The following SWAP70 variants were observed in gnomAD, a reference collection of about 807,000 sequenced individuals.
The protein encoded by SWAP70 is switching B cell complex subunit SWAP70.
A neutral mutation model predicts 80.2 loss-of-function variants in SWAP70; 34 were observed. That is an observed-to-expected ratio of 0.42 (90% CI 0.32 to 0.56). The LOEUF (loss-of-function observed/expected upper bound fraction) is 0.56. Ranked by LOEUF, SWAP70 falls within the 20% of genes least tolerant of loss-of-function variation. The pLI is 0.09. For synonymous variants in SWAP70, 239 were observed against 238.5 expected (o/e 1.00, Z -0.02); for missense variants, 578 against 690.7 (o/e 0.84, Z 1.83).
intron 9 of SWAP70, among the ~76,000 whole-genome samples, chr11:9,742,615 A>G (rs1851455597): frequency 1.3e-5 from 2 of 152,170 alleles, no homozygotes; most frequent in Non-Finnish European, 2.9e-5. Flanking sequence ...GATTACAGGC[A>G]TGAGCCACCA....
At chr11:9,668,544 TAG>T (rs1850336381) in intron 1 of SWAP70, among the ~76,000 whole-genome samples, 1 of 152,168 alleles carries the variant, frequency 6.6e-6, no homozygotes, top group African/African-American at 2.4e-5. Flanking sequence ...TGGCTGGGAG[TAG>T]AGTTTTTGCC....
At position 9,664,281 on chromosome 11, in the gene SWAP70, G is replaced by T; in HGVS notation, c.99+3G>T. 1 of 1,566,958 alleles carries T rather than the reference G, an allele frequency of 6.4e-7. No homozygotes were observed. The highest frequency in any genetic ancestry group is 2.4e-5 in the East Asian group (1 of 41,742). On this transcript the variant is annotated splice_donor_region_variant and intron_variant, in intron 1 of 11. Transcript: ENST00000318950. Reference sequence around the variant, plus strand: ...AGGTCTCCAAGTCCCAGCTCAAGGTGGGCGCCTCCTGACCCGGCCCCCCAC... The same window carrying T: ...AGGTCTCCAAGTCCCAGCTCAAGGTTGGCGCCTCCTGACCCGGCCCCCCAC...
At chr11:9,690,825 A>G (rs1850689408) in intron 1 of SWAP70, among the ~76,000 whole-genome samples, 1 of 152,184 alleles carries the variant, frequency 6.6e-6, no homozygotes, top group Admixed American at 6.5e-5. Context: ...AAGATAGTAC[A>G]CAATTTTTTC....
Position 9,675,373 on chromosome 11 carries a change from GA to G in SWAP70, c.99+11096del, listed in dbSNP as rs1850481185. Among the ~76,000 whole-genome samples the G allele has an allele frequency of 3.8e-3, 213 of 56,586 alleles. 26 individuals carry two copies. Among genetic ancestry groups the G allele is most frequent in the Non-Finnish European group, 6.5e-3 (151 of 23,394 alleles). 37.1% of individuals were successfully genotyped at this position (56,586 alleles called of 152,430 possible). ...AGAGAGAGAGAGAGAGAGAGAGAGA[GA>G]GAGAGAGAGAGAGAGAGAGAGAGAG... On this transcript the variant is annotated intron_variant, in intron 1 of 11. Coordinates refer to ENST00000318950, the MANE Select transcript of SWAP70 (RefSeq NM_015055.4).
chr11:9,736,525 C>T (rs1312569147), intron 7 of SWAP70, among the ~76,000 whole-genome samples: 1 of 152,024 alleles, frequency 6.6e-6, no homozygotes, highest in Non-Finnish European at 1.5e-5. Context: ...GTTGTTTGCT[C>T]CTTTATTTGT....
intron 3 of SWAP70, among the ~76,000 whole-genome samples, chr11:9,714,445 A>G (rs1851039050): frequency 6.6e-6 from 1 of 152,170 alleles, no homozygotes; most frequent in Non-Finnish European, 1.5e-5. Context: ...GTACTCAGTA[A>G]CTCTTAAGAC....
At chr11:9,682,717 C>T (rs977881611) in intron 1 of SWAP70, among the ~76,000 whole-genome samples, 5 of 151,900 alleles carry the variant, frequency 3.3e-5, no homozygotes, top group Non-Finnish European at 5.9e-5. Context: ...TCGTCTGTTG[C>T]CCACGCAGGA....
At chr11:9,737,082 G>A (rs544934229) in intron 7 of SWAP70, among the ~76,000 whole-genome samples, 1 of 152,322 alleles carries the variant, frequency 6.6e-6, no homozygotes, top group African/African-American at 2.4e-5. Context: ...GCTGGTCCGT[G>A]TGTTAGTGTG....
intron 2 of SWAP70, among the ~76,000 whole-genome samples, chr11:9,694,826 G>A (rs1032159633): frequency 6.6e-6 from 1 of 152,184 alleles, no homozygotes; most frequent in African/African-American, 2.4e-5. Flanking sequence ...TGGCGAGGCT[G>A]TGGAGAAACA....
At chr11:9,670,084 AC>A (rs1850356433) in intron 1 of SWAP70, among the ~76,000 whole-genome samples, 1 of 152,082 alleles carries the variant, frequency 6.6e-6, no homozygotes, top group South Asian at 2.1e-4. Flanking sequence ...CCGATATCTC[AC>A]CCTGTACTCC....
intron 2 of SWAP70, among the ~76,000 whole-genome samples, chr11:9,711,374 A>T (rs1308603244): frequency 6.6e-6 from 1 of 151,954 alleles, no homozygotes; most frequent in Non-Finnish European, 1.5e-5. Context: ...GTCCCAAGTA[A>T]TGGAAATTTG....
chr11:9,692,586 A>G (rs964102834), intron 1 of SWAP70, among the ~76,000 whole-genome samples: 9 of 152,158 alleles, frequency 5.9e-5, no homozygotes, highest in Admixed American at 5.2e-4. Context: ...ACTTGGGTAA[A>G]GTTCCAAATG....
chr11:9,684,027 A>G (rs994558836), intron 1 of SWAP70, among the ~76,000 whole-genome samples: 2 of 151,812 alleles, frequency 1.3e-5, no homozygotes, highest in Admixed American at 6.6e-5. Context: ...TTTATTTTAT[A>G]TATTTTTGAT....
intron 2 of SWAP70, among the ~76,000 whole-genome samples, chr11:9,701,618 TAA>T (rs35536132): frequency 7.2e-6 from 1 of 138,916 alleles, no homozygotes. Context: ...CCTTGTCTGT[TAA>T]AAAAAAAAAA....
rs1335211320 is a variant in SWAP70, at chr11:9,732,675, G to A, written c.1045G>A (p.Glu349Lys). The change falls in exon 7 of 12, where the codon GAA (glutamate) becomes AAA (lysine). Residue 349 changes from glutamate (E) to lysine (K), a missense_variant. Physicochemically the swap from Glu to Lys is moderately conservative, Grantham distance 56. Transcript: ENST00000318950. ...RQMKELQAAN[E>K]SKQQELEAVR... is the part of the protein sequence containing the mutation. ...AATGAAGGAACTCCAGGCCGCCAACGAAAGCAAGCAGCAGGAGCTGGAGGC... is the reference window on the plus strand; with the variant it reads ...AATGAAGGAACTCCAGGCCGCCAACAAAAGCAAGCAGCAGGAGCTGGAGGC... 2 of 1,557,804 alleles carry A rather than the reference G, an allele frequency of 1.3e-6. No homozygotes were observed. The highest frequency in any genetic ancestry group is 2.4e-5 in the East Asian group (1 of 41,604).
intron 3 of SWAP70, among the ~76,000 whole-genome samples, chr11:9,716,987 A>G (rs963547779): frequency 2.0e-5 from 3 of 152,196 alleles, no homozygotes; most frequent in African/African-American, 2.4e-5. Context: ...TAAGAAACAC[A>G]AAGTTTTAAG....
chr11:9,728,341 T>G, intron 5 of SWAP70, 142 bp downstream of exon 5: 4 of 961,386 alleles, frequency 4.2e-6, no homozygotes, highest in Non-Finnish European at 5.7e-6. Flanking sequence ...AGGCATGCAG[T>G]TGCCATGGTT....
Position 9,713,583 on chromosome 11 carries a change from G to A in SWAP70, c.358G>A (p.Val120Ile). Reference protein sequence around the residue: ...ITEEDAFKIWVIFNFLSEDKY... With the variant: ...ITEEDAFKIWIIFNFLSEDKY... ...AGAAGAAGATGCATTTAAAATATGG[G>A]TTATTTTCAACTTTTTATCTGAGGA... The change falls in exon 3 of 12, where the codon GTT becomes ATT. Residue 120 changes from valine (V) to isoleucine (I), a missense_variant. By Grantham distance (29) the Val-to-Ile change is conservative (BLOSUM62 3). Coordinates refer to ENST00000318950, the MANE Select transcript of SWAP70 (RefSeq NM_015055.4). 1.2e-6 allele frequency: 2 copies of A among 1,613,892 alleles called. No individual in the cohort carries two copies. The highest frequency in any genetic ancestry group is 1.7e-6 in the Non-Finnish European group (2 of 1,179,916).
chr11:9,738,434 A>C lies in SWAP70; in HGVS notation c.1188+114A>C, dbSNP rs538375318. On this transcript the variant is annotated intron_variant, in intron 8 of 11. Transcript: ENST00000318950. ...TGTCATCAGCTTGGCTTTGCTACTG[A>C]CCTGGAATGGGCTGTAGGGGAAGTT... 4.8e-6 allele frequency: 3 copies of C among 620,218 alleles called. No individual in the cohort carries two copies. In the South Asian group the frequency reaches 8.8e-5, roughly 18 times the overall value. The allele number at this position is 620,218 out of a possible 1,614,324, so 38.4% of individuals were successfully genotyped here. A position where few individuals can be genotyped will look rare whatever the true frequency, so the allele number is the denominator to read the frequency against.
Sources: allele counts gnomAD v4.1 joint callset (sites outside exome capture counted in the v4.1 genomes callset), GRCh38; gene constraint gnomAD v4.1.1; transcripts MANE v1.5; gene names NCBI Gene and HGNC (gene_info 2026-07-23, HGNC 2026-07-21).